DIABLO: variants seen among roughly 807,000 people sequenced by gnomAD.
DIABLO encodes the protein diablo homolog, mitochondrial.
Under a neutral mutation model 31.7 loss-of-function variants are expected in DIABLO, and 32 were observed. The ratio of observed to expected loss-of-function variants is 1.01; its 90% CI spans 0.76 to 1.35. DIABLO has a LOEUF of 1.35. Ranked by LOEUF, DIABLO falls within the 40% of genes most tolerant of loss-of-function variation. DIABLO has a pLI of 0.00. For missense variants in DIABLO, 316 were observed against 286.4 expected (o/e 1.10, Z -0.75); for synonymous variants, 132 against 103.2 (o/e 1.28, Z -1.69).
In DIABLO at chr12:122,208,342, C is replaced by T. The variant is rs781000431; in HGVS notation, c.*39G>A. 11 of 1,608,070 alleles carry T rather than the reference C, an allele frequency of 6.8e-6. No homozygotes were observed. Among genetic ancestry groups the T allele is most frequent in the Non-Finnish European group, 9.3e-6 (11 of 1,178,954 alleles). ...GCAGGGTGGCATCTGCCCCTGCTTT[C>T]CCCACTGAGTGGGGAGACAGGGCAG... On this transcript the variant is annotated 3_prime_UTR_variant, in exon 6 of 6. Transcript: ENST00000464942.
chr12:122,209,158 C>T (rs1475438097), intron 5 of DIABLO, among the ~76,000 whole-genome samples: 5 of 152,150 alleles, frequency 3.3e-5, no homozygotes, highest in Admixed American at 2.0e-4. Flanking sequence ...GTCAGAAGTT[C>T]GAGACCAGCC....
At chr12:122,212,073 T>G (rs897289524) in intron 5 of DIABLO, among the ~76,000 whole-genome samples, 1 of 151,944 alleles carries the variant, frequency 6.6e-6, no homozygotes, top group Admixed American at 6.6e-5. Context: ...TGACCTCAGC[T>G]GATCCATCTG....
upstream of DIABLO, chr12:122,226,255 A>AGGGCGCGGAGGTGGGTC (rs1426925130): frequency 7.0e-6 from 5 of 709,274 alleles, no homozygotes; most frequent in Admixed American, 2.1e-5. Flanking sequence ...GCAGGGCCTG[A>AGGGCGCGGAGGTGGGTC]GGGCGCGGAG....
intron 5 of DIABLO, among the ~76,000 whole-genome samples, chr12:122,213,502 T>C (rs1260631432): frequency 1.1e-5 from 1 of 93,572 alleles, no homozygotes; most frequent in Non-Finnish European, 1.9e-5. Flanking sequence ...AGACCTTGTC[T>C]CAGGGAAAAA....
At chr12:122,226,293 C>A (rs1266548403), upstream of DIABLO, 4 of 678,038 alleles carry the variant, frequency 5.9e-6, no homozygotes, top group South Asian at 1.6e-5. Context: ...CTGAGTCGGG[C>A]GCCGTGACGC....
chr12:122,213,403 A>G (rs535073091), intron 5 of DIABLO, among the ~76,000 whole-genome samples: 277 of 151,558 alleles, frequency 1.8e-3, no homozygotes, highest in African/African-American at 6.2e-3. Context: ...GGAGACTGAC[A>G]TGGTAGGATC....
In DIABLO at chr12:122,207,707, A is replaced by C; in HGVS notation, c.*674T>G. On this transcript the variant is annotated 3_prime_UTR_variant, in exon 6 of 6. Transcript: ENST00000464942. Reference sequence around the variant, plus strand: ...ATTTTCTCTTTCAGATGCAAACAAAATCTTACACTCTTCTCCTTTGGATAC... The same window carrying C: ...ATTTTCTCTTTCAGATGCAAACAAACTCTTACACTCTTCTCCTTTGGATAC... 1.8e-6 allele frequency: 1 copy of C among 554,602 alleles called. No individual in the cohort carries two copies. Among genetic ancestry groups the C allele is most frequent in the Admixed American group, 2.2e-5 (1 of 45,488 alleles). The allele number at this position is 554,602 out of a possible 1,614,324, so 34.4% of individuals were successfully genotyped here. A position where few individuals can be genotyped will look rare whatever the true frequency, so the allele number is the denominator to read the frequency against.
intron 2 of DIABLO, among the ~76,000 whole-genome samples, chr12:122,223,419 T>C (rs1490066001): frequency 2.0e-5 from 3 of 146,396 alleles, no homozygotes; most frequent in Non-Finnish European, 3.0e-5. Context: ...GGCAACAGAG[T>C]GAGACTCTGT....
chr12:122,213,447 G>C (rs577934315), intron 5 of DIABLO, among the ~76,000 whole-genome samples: 2 of 148,484 alleles, frequency 1.3e-5, no homozygotes, highest in African/African-American at 5.0e-5. Context: ...GTAGTAAGCA[G>C]TGAGCCATGA....
downstream of DIABLO, chr12:122,207,662 T>TAG (rs1953953983): frequency 7.8e-6 from 5 of 643,192 alleles, no homozygotes; most frequent in Non-Finnish European, 1.4e-5. Flanking sequence ...GGAGGCTGCA[T>TAG]AGGACCCCAG....
chr12:122,216,454 T>TA (rs3215200), intron 5 of DIABLO, 34 bp downstream of exon 5: 4,580 of 1,424,430 alleles, frequency 3.2e-3, no homozygotes, highest in Non-Finnish European at 4.0e-3. Flanking sequence ...GTTAAAAAAT[T>TA]AAAAAAAAAA....
At chr12:122,219,849 A>G (rs1954296103) in intron 2 of DIABLO, among the ~76,000 whole-genome samples, 1 of 149,604 alleles carries the variant, frequency 6.7e-6, no homozygotes, top group African/African-American at 2.5e-5. Flanking sequence ...TGGGCGACAG[A>G]GCAAGACTCT....
intron 2 of DIABLO, among the ~76,000 whole-genome samples, chr12:122,223,205 C>T (rs1337371610): frequency 6.6e-6 from 1 of 151,944 alleles, no homozygotes; most frequent in African/African-American, 2.4e-5. Context: ...GATGCCGAGG[C>T]GTGTGGATCG....
intron 2 of DIABLO, 107 bp from the exon 3 acceptor site, chr12:122,218,504 C>G (rs1566025992): frequency 7.1e-7 from 1 of 1,410,470 alleles, no homozygotes; most frequent in African/African-American, 1.4e-5. Flanking sequence ...GTGTTTTAGG[C>G]TGAAACTGCA....
chr12:122,218,395 T>C lies in DIABLO; in HGVS notation c.186A>G (p.Lys62=). Residue 62 remains lysine (K), a splice_region_variant and synonymous_variant, in exon 3 of 6, where the codon AAA becomes AAG. Transcript: ENST00000464942. The stretch of plus-strand genomic sequence containing the variant: ...CACTACTAAGGGAATGAGGCTCTGA[T>C]TTCTGAAAGACACAAACATTGTCAC... ...VTLCAVPIAQ[K]SEPHSLSSEA... is the part of the protein sequence containing the mutation. 6.2e-7 allele frequency: 1 copy of C among 1,614,148 alleles called. No individual in the cohort carries two copies. Among genetic ancestry groups the C allele is most frequent in the Non-Finnish European group, 8.5e-7 (1 of 1,180,018 alleles).
At chr12:122,213,263 C>G (rs1954127774) in intron 5 of DIABLO, among the ~76,000 whole-genome samples, 1 of 151,822 alleles carries the variant, frequency 6.6e-6, no homozygotes, top group Admixed American at 6.6e-5. Flanking sequence ...TGCACAGTGT[C>G]TCATGTCTGT....
At chr12:122,212,584 C>T (rs1954111455) in intron 5 of DIABLO, among the ~76,000 whole-genome samples, 1 of 151,220 alleles carries the variant, frequency 6.6e-6, no homozygotes, top group Admixed American at 6.6e-5. Flanking sequence ...TGCTCTGAAT[C>T]TTTTTGTTAT....
chr12:122,211,938 T>C (rs978535452), intron 5 of DIABLO, among the ~76,000 whole-genome samples: 1 of 152,144 alleles, frequency 6.6e-6, no homozygotes, highest in Non-Finnish European at 1.5e-5. Context: ...AATCTAAACG[T>C]GTCATTTAAT....
At chr12:122,227,369 C>T (rs1285705366), upstream of DIABLO, 1 of 453,642 alleles carries the variant, frequency 2.2e-6, no homozygotes, top group Non-Finnish European at 4.4e-6. Context: ...GCAAAGTTTC[C>T]ACGAATCTTC....
Sources: gnomAD v4.1 joint callset for allele counts (sites outside exome capture counted in the v4.1 genomes callset) on GRCh38, gnomAD v4.1.1 for gene constraint, MANE v1.5 for transcripts, NCBI Gene and HGNC (gene_info 2026-07-23, HGNC 2026-07-21) for gene names.